The following SNX29 variants were observed in gnomAD, a reference collection of about 807,000 sequenced individuals.
SNX29 encodes the protein sorting nexin-29.
Under a neutral mutation model 102.1 loss-of-function variants are expected in SNX29, and 78 were observed. That is an observed-to-expected ratio of 0.76 (90% CI 0.64 to 0.92). The LOEUF (loss-of-function observed/expected upper bound fraction) is 0.92, where lower values mean the gene tolerates loss of function less well. SNX29 is among the 40% of genes least tolerant of loss of function. The pLI, the probability that SNX29 is intolerant of heterozygous loss-of-function variation, is 0.00. For missense variants in SNX29, 1,280 were observed against 1,061.7 expected, an observed-to-expected ratio of 1.21 and a Z score of -2.86; for synonymous variants, 580 against 414.5, an observed-to-expected ratio of 1.40 and a Z score of -4.85.
intron 11 of SNX29, among the ~76,000 whole-genome samples, chr16:12,110,763 A>G (rs2053470556): frequency 6.6e-6 from 1 of 152,126 alleles, no homozygotes; most frequent in African/African-American, 2.4e-5. Context: ...GAGCCCTTTT[A>G]AGACAGTGTG....
intron 19 of SNX29, among the ~76,000 whole-genome samples, chr16:12,492,934 C>T (rs888857509): frequency 6.6e-6 from 1 of 152,152 alleles, no homozygotes; most frequent in Non-Finnish European, 1.5e-5. Context: ...GTTACTGTAG[C>T]CTTGTAGTAT....
chr16:12,548,165 A>G (rs554539284), intron 20 of SNX29, among the ~76,000 whole-genome samples: 1 of 152,322 alleles, frequency 6.6e-6, no homozygotes, highest in East Asian at 1.9e-4. Context: ...TCTTGGCCAC[A>G]CACATTTGCT....
chr16:12,355,053 A>C (rs1490569406), intron 15 of SNX29, among the ~76,000 whole-genome samples: 4 of 152,240 alleles, frequency 2.6e-5, no homozygotes, highest in South Asian at 2.1e-4. Context: ...TTGATTGCAC[A>C]GTGGCTCCCT....
chr16:12,559,752 TGACAGCAGTCACTCTGAAAGCATTA>T, intron 20 of SNX29, among the ~76,000 whole-genome samples: 1 of 152,270 alleles, frequency 6.6e-6, no homozygotes, highest in East Asian at 1.9e-4. Flanking sequence ...ATGCCCAGCC[TGACAGCAGTCACTCTGAAAGCATTA>T]CACAGCACCT....
chr16:12,489,646 A>G (rs1567616346), intron 19 of SNX29, among the ~76,000 whole-genome samples: 1 of 152,164 alleles, frequency 6.6e-6, no homozygotes, highest in Non-Finnish European at 1.5e-5. Flanking sequence ...TAGCCCTCAA[A>G]CGCCAGCATA....
At chr16:12,401,133 A>G (rs192731701) in intron 17 of SNX29, among the ~76,000 whole-genome samples, 1 of 152,134 alleles carries the variant, frequency 6.6e-6, no homozygotes, top group Admixed American at 6.5e-5. Context: ...CCCCGGCCTC[A>G]GTACCCCACT....
At chr16:12,339,823 C>G (rs1246186196) in intron 15 of SNX29, among the ~76,000 whole-genome samples, 8 of 152,192 alleles carry the variant, frequency 5.3e-5, no homozygotes, top group African/African-American at 1.9e-4. Flanking sequence ...TCTGCCATCC[C>G]TGAACCAGTC....
chr16:12,033,004 G>A (rs144661926), intron 4 of SNX29, among the ~76,000 whole-genome samples: 5,424 of 152,084 alleles, frequency 0.036, 112 homozygotes, highest in African/African-American at 0.054. Context: ...ACAGGCGTGC[G>A]CCACCATGCC....
chr16:12,089,025 A>G (rs1245719120), intron 11 of SNX29, among the ~76,000 whole-genome samples: 1 of 152,034 alleles, frequency 6.6e-6, no homozygotes, highest in East Asian at 1.9e-4. Flanking sequence ...GGCAGAGGCT[A>G]CAGTGAGCCA....
At chr16:12,093,754 G>A (rs926090079) in intron 11 of SNX29, 6 of 152,182 alleles carry the variant, frequency 3.9e-5, no homozygotes, top group African/African-American at 1.4e-4. Flanking sequence ...CTCATTGGAG[G>A]CTCATAGATA....
intron 18 of SNX29, among the ~76,000 whole-genome samples, chr16:12,475,856 A>G (rs180722813): frequency 1.3e-5 from 2 of 152,372 alleles, no homozygotes; most frequent in Admixed American, 6.5e-5. Flanking sequence ...AAAAGCGGCC[A>G]AAACAAATGA....
chr16:12,366,485 C>G (rs1488503805), intron 16 of SNX29, among the ~76,000 whole-genome samples: 1 of 152,210 alleles, frequency 6.6e-6, no homozygotes, highest in Admixed American at 6.5e-5. Flanking sequence ...TGAGCCTGCC[C>G]TGGCATGGAG....
intron 18 of SNX29, among the ~76,000 whole-genome samples, chr16:12,468,784 G>A (rs1194609617): frequency 6.6e-6 from 1 of 152,192 alleles, no homozygotes; most frequent in Non-Finnish European, 1.5e-5. Context: ...CGGGGTTTGG[G>A]AAAATTGAGG....
intron 11 of SNX29, among the ~76,000 whole-genome samples, chr16:12,102,726 A>G (rs2053073491): frequency 6.6e-6 from 1 of 152,200 alleles, no homozygotes. Context: ...TCAGGCAAGA[A>G]AAAGAAATAA....
chr16:12,532,352 G>A (rs2076954876), intron 20 of SNX29, among the ~76,000 whole-genome samples: 1 of 152,200 alleles, frequency 6.6e-6, no homozygotes, highest in African/African-American at 2.4e-5. Flanking sequence ...CCTGTGTTGT[G>A]TGGTTCTTTC....
chr16:12,186,184 ATATT>A (rs2076505220), intron 13 of SNX29, among the ~76,000 whole-genome samples: 1 of 152,112 alleles, frequency 6.6e-6, no homozygotes, highest in Admixed American at 6.6e-5. Flanking sequence ...ATCTATATAT[ATATT>A]TGTTGTTGGG....
chr16:12,226,013 C>G (rs1009160897), intron 14 of SNX29, among the ~76,000 whole-genome samples: 2 of 152,198 alleles, frequency 1.3e-5, no homozygotes, highest in African/African-American at 4.8e-5. Flanking sequence ...TAGCAAGGGG[C>G]AAATTCATAC....
chr16:12,144,643 A>G (rs1455226141), intron 13 of SNX29, among the ~76,000 whole-genome samples: 2 of 152,220 alleles, frequency 1.3e-5, no homozygotes, highest in Non-Finnish European at 2.9e-5. Flanking sequence ...GTGAGAAAAG[A>G]AATTTCTGTT....
At chr16:12,363,504 T>G (rs1336328207) in intron 16 of SNX29, among the ~76,000 whole-genome samples, 1 of 152,172 alleles carries the variant, frequency 6.6e-6, no homozygotes, top group Non-Finnish European at 1.5e-5. Flanking sequence ...ATAAACATAG[T>G]GCTGACCATA....
Sources: gnomAD v4.1 joint callset for allele counts (sites outside exome capture counted in the v4.1 genomes callset) on GRCh38, gnomAD v4.1.1 for gene constraint, MANE v1.5 for transcripts, NCBI Gene and HGNC (gene_info 2026-07-23, HGNC 2026-07-21) for gene names.